ZBBX: variants seen among roughly 807,000 people sequenced by gnomAD.
ZBBX encodes zinc finger B-box domain-containing protein 1.
A neutral mutation model predicts 108.5 loss-of-function variants in ZBBX; 101 were observed. The ratio of observed to expected loss-of-function variants is 0.93; its 90% CI spans 0.79 to 1.10. The LOEUF (loss-of-function observed/expected upper bound fraction) is 1.10. Ranked by LOEUF, ZBBX falls within the 50% of genes least tolerant of loss-of-function variation. The pLI is 0.00. For missense variants in ZBBX, 1,009 were observed against 941.4 expected, an observed-to-expected ratio of 1.07 and a Z score of -0.94; for synonymous variants, 356 against 323.4, an observed-to-expected ratio of 1.10 and a Z score of -1.08.
intron 17 of ZBBX, among the ~76,000 whole-genome samples, chr3:167,301,659 T>G (rs1258277022): frequency 6.6e-6 from 1 of 152,174 alleles, no homozygotes; most frequent in Non-Finnish European, 1.5e-5. Flanking sequence ...AATTTTTTCA[T>G]TAACCTGGAC....
At chr3:167,243,488 T>A (rs1003098079) in intron 20 of ZBBX, among the ~76,000 whole-genome samples, 1 of 151,958 alleles carries the variant, frequency 6.6e-6, no homozygotes, top group Non-Finnish European at 1.5e-5. Flanking sequence ...AACCTCCGCC[T>A]CCTGGGTTCA....
intron 17 of ZBBX, among the ~76,000 whole-genome samples, chr3:167,300,787 T>G (rs1732521320): frequency 6.6e-6 from 1 of 151,962 alleles, no homozygotes; most frequent in Non-Finnish European, 1.5e-5. Context: ...CCAGCTAATT[T>G]TTGTATTTTT....
chr3:167,384,023 CT>C (rs749914637), upstream of ZBBX, among the ~76,000 whole-genome samples: 6 of 152,040 alleles, frequency 3.9e-5, no homozygotes, highest in Admixed American at 1.3e-4. Flanking sequence ...TTAAAAAGCA[CT>C]TTGAATGTTA....
chr3:167,375,489 G>T (rs1157083238), intron 2 of ZBBX, among the ~76,000 whole-genome samples: 1 of 152,036 alleles, frequency 6.6e-6, no homozygotes, highest in African/African-American at 2.4e-5. Context: ...CTACTTGGGA[G>T]GCTGAGGCAC....
At chr3:167,348,368 G>A (rs1207332952) in intron 9 of ZBBX, among the ~76,000 whole-genome samples, 48 of 111,642 alleles carry the variant, frequency 4.3e-4, no homozygotes, top group African/African-American at 9.2e-4. Flanking sequence ...AAGAAAGAAA[G>A]AAAAAAAAGA....
chr3:167,331,342 T>C (rs1471442465), intron 10 of ZBBX, among the ~76,000 whole-genome samples: 1 of 152,140 alleles, frequency 6.6e-6, no homozygotes, highest in African/African-American at 2.4e-5. Flanking sequence ...GATAGAGTCT[T>C]AGGAGTATTT....
At chr3:167,406,272 A>G (rs1273852299) in intron 1 of ZBBX, among the ~76,000 whole-genome samples, 23 of 152,232 alleles carry the variant, frequency 1.5e-4, no homozygotes, top group Non-Finnish European at 5.9e-5. Flanking sequence ...AATTTGGACA[A>G]AAGCCTACTT....
intron 11 of ZBBX, among the ~76,000 whole-genome samples, chr3:167,327,500 C>T (rs1447280297): frequency 6.6e-6 from 1 of 152,172 alleles, no homozygotes; most frequent in Non-Finnish European, 1.5e-5. Flanking sequence ...GTGCATACTC[C>T]TTTGAGGAGT....
upstream of ZBBX, among the ~76,000 whole-genome samples, chr3:167,383,228 T>C (rs1747804591): frequency 6.6e-6 from 1 of 152,060 alleles, no homozygotes; most frequent in African/African-American, 2.4e-5. Flanking sequence ...AGGCAAAAGT[T>C]TGTGGGCATT....
chr3:167,294,976 T>TGA (rs1731367720), intron 18 of ZBBX, among the ~76,000 whole-genome samples: 1 of 152,030 alleles, frequency 6.6e-6, no homozygotes, highest in Non-Finnish European at 1.5e-5. Flanking sequence ...GAAATGCATA[T>TGA]CAAAACCACA....
chr3:167,207,228 C>T, the ZBBX span, among the ~76,000 whole-genome samples: 1 of 152,120 alleles, frequency 6.6e-6, no homozygotes, highest in Non-Finnish European at 1.5e-5. Flanking sequence ...TGATAAGGTT[C>T]TAATATCCAA....
the ZBBX span, among the ~76,000 whole-genome samples, chr3:167,199,710 C>G: frequency 6.6e-6 from 1 of 152,066 alleles, no homozygotes; most frequent in Non-Finnish European, 1.5e-5. Context: ...CATTCTACGG[C>G]CATTAGATGT....
downstream of ZBBX, among the ~76,000 whole-genome samples, chr3:167,237,065 C>CT (rs894185690): frequency 2.5e-4 from 38 of 151,782 alleles, no homozygotes; most frequent in African/African-American, 9.2e-4. Flanking sequence ...GAGAGAATTG[C>CT]TTTTTTCTGA....
At chr3:167,313,902 G>T in intron 16 of ZBBX, 72 bp downstream of exon 16, 1 of 1,353,388 alleles carries the variant, frequency 7.4e-7, no homozygotes, top group Non-Finnish European at 9.7e-7. Context: ...GCATAACAAA[G>T]CTTTTATAGA....
intron 20 of ZBBX, among the ~76,000 whole-genome samples, chr3:167,278,049 A>G (rs13063846): frequency 0.39 from 48,493 of 123,302 alleles, 9,772 homozygotes; most frequent in Non-Finnish European, 0.44. Flanking sequence ...CTTTGAAACC[A>G]ACGAGAACAA....
At chr3:167,330,915 T>A (rs989094937) in intron 10 of ZBBX, among the ~76,000 whole-genome samples, 1 of 28,166 alleles carries the variant, frequency 3.6e-5, no homozygotes, top group East Asian at 1.6e-3. Context: ...AGAAGAGGCA[T>A]CATATATCTC....
At chr3:167,365,450 G>A (rs1032409482) in intron 6 of ZBBX, among the ~76,000 whole-genome samples, 1 of 151,362 alleles carries the variant, frequency 6.6e-6, no homozygotes, top group African/African-American at 2.4e-5. Context: ...CTTTACACAT[G>A]GAATCAACAG....
intron 21 of ZBBX, among the ~76,000 whole-genome samples, chr3:167,241,255 T>C (rs1425039077): frequency 1.3e-5 from 2 of 152,186 alleles, no homozygotes; most frequent in African/African-American, 4.8e-5. Context: ...CATCATCACA[T>C]TGGCTGTTTA....
At chr3:167,205,324 G>C in the ZBBX span, among the ~76,000 whole-genome samples, 3 of 152,066 alleles carry the variant, frequency 2.0e-5, no homozygotes, top group Non-Finnish European at 2.9e-5. Flanking sequence ...AAGTTCTCAG[G>C]ATTGGGGTGA....
Sources: gnomAD v4.1 joint callset for allele counts (sites outside exome capture counted in the v4.1 genomes callset) on GRCh38, gnomAD v4.1.1 for gene constraint, MANE v1.5 for transcripts, NCBI Gene and HGNC (gene_info 2026-07-23, HGNC 2026-07-21) for gene names.